ACYP2: variants seen among roughly 807,000 people sequenced by gnomAD.
ACYP2 encodes the protein acylphosphatase-2.
A neutral mutation model predicts 11.2 loss-of-function variants in ACYP2; 12 were observed. The observed-to-expected ratio is 1.08, with a 90% CI of 0.69 to 1.74. The LOEUF (loss-of-function observed/expected upper bound fraction) is 1.74. Among genes scored for constraint, ACYP2 ranks in the 40% most tolerant of loss-of-function variants. ACYP2 has a pLI of 0.00. For missense variants in ACYP2, 134 were observed against 101.9 expected (o/e 1.31, Z -1.35); for synonymous variants, 43 against 32.2 (o/e 1.33, Z -1.13).
intron 6 of ACYP2, among the ~76,000 whole-genome samples, chr2:54,265,346 C>T (rs1173078001): frequency 2.0e-5 from 3 of 152,092 alleles, no homozygotes; most frequent in Non-Finnish European, 4.4e-5. Flanking sequence ...ACCATCAGAT[C>T]TTATGAGACT....
chr2:54,235,589 A>T (rs1424338634), intron 6 of ACYP2, among the ~76,000 whole-genome samples: 1 of 152,172 alleles, frequency 6.6e-6, no homozygotes, highest in Non-Finnish European at 1.5e-5. Flanking sequence ...TAACCTCGTG[A>T]TCTGCCTGCC....
At chr2:53,990,113 G>A (rs1672216478) in intron 2 of ACYP2, among the ~76,000 whole-genome samples, 1 of 151,156 alleles carries the variant, frequency 6.6e-6, no homozygotes, top group African/African-American at 2.4e-5. Context: ...GGAGTAGCTG[G>A]GTCTACAGGC....
chr2:54,110,883 G>A (rs1679424164), intron 4 of ACYP2, among the ~76,000 whole-genome samples: 1 of 152,036 alleles, frequency 6.6e-6, no homozygotes, highest in South Asian at 2.1e-4. Flanking sequence ...GAAAGGCTGT[G>A]GCTGGAGATG....
chr2:54,065,124 T>TAA (rs1676677927), intron 4 of ACYP2, among the ~76,000 whole-genome samples: 3 of 146,952 alleles, frequency 2.0e-5, no homozygotes, highest in Admixed American at 1.4e-4. Flanking sequence ...AATAAATAAA[T>TAA]ATAGAGGGAC....
chr2:54,096,290 A>C (rs868208543), intron 4 of ACYP2, among the ~76,000 whole-genome samples: 1 of 64,272 alleles, frequency 1.6e-5, no homozygotes, highest in African/African-American at 7.0e-5. Context: ...CCGGGCAGAG[A>C]CGCTCCTCAC....
At chr2:54,095,551 C>T (rs1193825175) in intron 4 of ACYP2, among the ~76,000 whole-genome samples, 1 of 149,318 alleles carries the variant, frequency 6.7e-6, no homozygotes, top group African/African-American at 2.5e-5. Context: ...GGGCAGCTGG[C>T]TGGGCGGGGG....
intron 2 of ACYP2, among the ~76,000 whole-genome samples, chr2:54,005,200 A>G (rs1469427570): frequency 6.6e-6 from 1 of 152,142 alleles, no homozygotes; most frequent in Admixed American, 6.6e-5. Context: ...GAAGTATGTA[A>G]TGTCTATATC....
chr2:54,029,880 C>G (rs1357124806), intron 2 of ACYP2: 1 of 264,902 alleles, frequency 3.8e-6, no homozygotes, highest in African/African-American at 2.3e-5. Flanking sequence ...TTCCCAGAAC[C>G]AAGCCGGGTC....
At chr2:54,226,765 A>G (rs1363796105) in intron 6 of ACYP2, among the ~76,000 whole-genome samples, 1 of 152,220 alleles carries the variant, frequency 6.6e-6, no homozygotes, top group African/African-American at 2.4e-5. Flanking sequence ...CCCTTACAAC[A>G]AATCAACATT....
intron 4 of ACYP2, among the ~76,000 whole-genome samples, chr2:54,126,785 TA>T (rs148625245): frequency 0.051 from 7,739 of 151,648 alleles, 619 homozygotes; most frequent in African/African-American, 0.17. Flanking sequence ...CTGTCTCTAC[TA>T]AAAAATGCAA....
In ACYP2 at chr2:54,208,217, C is replaced by T. The variant is rs563790573; in HGVS notation, c.404+69469C>T. On this transcript the variant is annotated intron_variant, in intron 6 of 6. Coordinates refer to ENST00000607452, the MANE Select transcript of ACYP2 (RefSeq NM_001320586.2). ...CTAAAAAAAAAAAAACTTTTTATTT[C>T]CCCCCTATATCCCTAAAGTGGTTCT... 5.3e-5 allele frequency among the ~76,000 whole-genome samples: 8 copies of T among 151,658 alleles called. No homozygotes were observed. In the East Asian group the frequency reaches 1.6e-3, roughly 29 times the overall value.
chr2:54,271,884 G>A (rs1341123940), intron 6 of ACYP2, among the ~76,000 whole-genome samples: 1 of 152,034 alleles, frequency 6.6e-6, no homozygotes, highest in East Asian at 1.9e-4. Context: ...AATTTCTTAG[G>A]ATTTTTAGAC....
chr2:54,220,482 TA>T (rs1405461555), intron 6 of ACYP2, among the ~76,000 whole-genome samples: 1 of 152,204 alleles, frequency 6.6e-6, no homozygotes, highest in African/African-American at 2.4e-5. Context: ...TAGTTTCTTT[TA>T]AGTGAGGTGT....
At chr2:54,147,375 C>G (rs114747405) in intron 6 of ACYP2, among the ~76,000 whole-genome samples, 1 of 152,058 alleles carries the variant, frequency 6.6e-6, no homozygotes, top group South Asian at 2.1e-4. Context: ...CAGATCTATG[C>G]GTTCTGTCTT....
chr2:54,071,885 C>T (rs962791320), intron 4 of ACYP2, among the ~76,000 whole-genome samples: 2 of 152,068 alleles, frequency 1.3e-5, no homozygotes, highest in Non-Finnish European at 2.9e-5. Flanking sequence ...GTGGCGCGCA[C>T]CTGTAATCCC....
chr2:54,114,322 A>G (rs1679617855), intron 4 of ACYP2, among the ~76,000 whole-genome samples: 1 of 151,956 alleles, frequency 6.6e-6, no homozygotes, highest in Non-Finnish European at 1.5e-5. Context: ...ACCAGGAAAT[A>G]AAATTCAGCC....
At chr2:54,176,499 T>C (rs1223083661) in intron 6 of ACYP2, among the ~76,000 whole-genome samples, 2 of 152,242 alleles carry the variant, frequency 1.3e-5, no homozygotes, top group Non-Finnish European at 2.9e-5. Flanking sequence ...TTTAAGTCTG[T>C]TGTAACACCT....
chr2:54,167,194 T>A (rs747156282), intron 6 of ACYP2, among the ~76,000 whole-genome samples: 2 of 152,190 alleles, frequency 1.3e-5, no homozygotes, highest in Non-Finnish European at 2.9e-5. Flanking sequence ...ATATTTAGTT[T>A]GTCAAAGTGT....
chr2:54,261,432 G>A (rs1687771893), intron 6 of ACYP2, among the ~76,000 whole-genome samples: 1 of 152,048 alleles, frequency 6.6e-6, no homozygotes, highest in African/African-American at 2.4e-5. Context: ...AATGAGTAAG[G>A]GAAGGAAGAA....
Sources: gnomAD v4.1 joint callset for allele counts (sites outside exome capture counted in the v4.1 genomes callset) on GRCh38, gnomAD v4.1.1 for gene constraint, MANE v1.5 for transcripts, NCBI Gene and HGNC (gene_info 2026-07-23, HGNC 2026-07-21) for gene names.